CARMIL1: variants seen among roughly 807,000 people sequenced by gnomAD.
The protein encoded by CARMIL1 is F-actin-uncapping protein LRRC16A.
CARMIL1 carries 90 observed loss-of-function variants against 177.1 expected under a neutral mutation model. The observed-to-expected ratio is 0.51, with a 90% CI of 0.43 to 0.61. The LOEUF (loss-of-function observed/expected upper bound fraction) is 0.61. CARMIL1 is among the 20% of genes least tolerant of loss of function. The pLI is 0.00. For missense variants in CARMIL1, 1,380 were observed against 1,667.0 expected (o/e 0.83, Z 3.00); for synonymous variants, 577 against 606.2 (o/e 0.95, Z 0.71).
At chr6:25,581,221 GT>G (rs201519353) in intron 30 of CARMIL1, 21 bp from the exon 31 acceptor site, 5 of 1,597,582 alleles carry the variant, frequency 3.1e-6, no homozygotes, top group Non-Finnish European at 4.3e-6. Context: ...CTGTTTTTTT[GT>G]TTTTTTGTTT....
intron 2 of CARMIL1, among the ~76,000 whole-genome samples, chr6:25,390,307 TATATATA>T (rs1562073353): frequency 2.8e-4 from 13 of 47,122 alleles, no homozygotes; most frequent in South Asian, 8.2e-4. Context: ...TATATATATA[TATATATA>T]TATATATTTT....
At position 25,515,654 on chromosome 6, in the gene CARMIL1, C is replaced by T. The variant is rs374699073; in HGVS notation, c.1633-21C>T. The T allele has an allele frequency of 3.9e-5, 61 of 1,581,838 alleles. No homozygotes were observed. The highest frequency in any genetic ancestry group is 1.7e-4 in the Middle Eastern group (1 of 5,996). ...CTGCTTTGATGAGACTGCTGAGTGC[C>T]GTGTGTCATTTGCTCCGCAGCCTCT... is the stretch of plus-strand genomic sequence containing the variant. On this transcript the variant is annotated intron_variant, in intron 20 of 36. Coordinates refer to ENST00000329474, the MANE Select transcript of CARMIL1 (RefSeq NM_017640.6). This position sits in a 1 kb window ranked among gnomAD's most constrained non-coding sequence, Gnocchi z 5.0.
intron 26 of CARMIL1, among the ~76,000 whole-genome samples, chr6:25,543,361 TC>T (rs1029102484): frequency 6.6e-6 from 1 of 152,170 alleles, no homozygotes; most frequent in Admixed American, 6.5e-5. Flanking sequence ...TTAGTATACT[TC>T]CTGGAGGAGA....
intron 2 of CARMIL1, among the ~76,000 whole-genome samples, chr6:25,398,830 A>C (rs914973604): frequency 6.6e-6 from 1 of 152,190 alleles, no homozygotes; most frequent in Non-Finnish European, 1.5e-5. Context: ...GGCTCACCTC[A>C]TGGGGTGCTG....
At chr6:25,588,818 A>G (rs1253960014) in intron 31 of CARMIL1, among the ~76,000 whole-genome samples, 1 of 152,216 alleles carries the variant, frequency 6.6e-6, no homozygotes, top group Non-Finnish European at 1.5e-5. Context: ...AGATTACTCA[A>G]TATTCAAGGG....
At chr6:25,333,988 G>T (rs1366540619) in intron 2 of CARMIL1, among the ~76,000 whole-genome samples, 3 of 152,200 alleles carry the variant, frequency 2.0e-5, no homozygotes, top group African/African-American at 4.8e-5. Flanking sequence ...TACTTTCCCT[G>T]TATTCTTTCT....
At chr6:25,464,530 T>G (rs902474732) in intron 8 of CARMIL1, among the ~76,000 whole-genome samples, 8 of 152,296 alleles carry the variant, frequency 5.3e-5, no homozygotes, top group African/African-American at 1.4e-4. Context: ...TCAGACTTCT[T>G]TCCACCTTCT....
At chr6:25,539,303 G>T (rs917612026) in intron 25 of CARMIL1, among the ~76,000 whole-genome samples, 23 of 152,054 alleles carry the variant, frequency 1.5e-4, no homozygotes, top group African/African-American at 5.5e-4. Context: ...GCAAACTCTG[G>T]GTAGACAGTG....
At chr6:25,468,201 T>TA (rs34221543) in intron 9 of CARMIL1, among the ~76,000 whole-genome samples, 26,066 of 149,502 alleles carry the variant, frequency 0.17, 2,413 homozygotes, top group South Asian at 0.25. Flanking sequence ...CAAGGATTTT[T>TA]AAAAAAAAAA....
At chr6:25,514,550 C>CAAAA (rs66490833) in intron 20 of CARMIL1, among the ~76,000 whole-genome samples, 12,635 of 83,748 alleles carry the variant, frequency 0.15, 1,112 homozygotes, top group Middle Eastern at 0.24. Flanking sequence ...GACCTTGTCT[C>CAAAA]AAAAAAAAAA....
At chr6:25,616,713 C>T (rs573051925) in intron 36 of CARMIL1, among the ~76,000 whole-genome samples, 4 of 152,334 alleles carry the variant, frequency 2.6e-5, no homozygotes, top group South Asian at 4.1e-4. Flanking sequence ...TCAATATAGT[C>T]GTAGTCAACA....
intron 2 of CARMIL1, among the ~76,000 whole-genome samples, chr6:25,306,674 A>T (rs894515249): frequency 2.6e-5 from 4 of 152,170 alleles, no homozygotes; most frequent in Non-Finnish European, 5.9e-5. Context: ...ACCAATTTTT[A>T]AAAAAGTCAT....
At chr6:25,455,913 T>C (rs1799478126) in intron 8 of CARMIL1, among the ~76,000 whole-genome samples, 1 of 152,194 alleles carries the variant, frequency 6.6e-6, no homozygotes, top group South Asian at 2.1e-4. Context: ...TGGGAACCCA[T>C]CACCACACGT....
intron 29 of CARMIL1, among the ~76,000 whole-genome samples, chr6:25,572,572 G>A (rs115505991): frequency 0.019 from 2,823 of 152,036 alleles, 71 homozygotes; most frequent in African/African-American, 0.058. Flanking sequence ...ATGGTGGTAC[G>A]TATCTGTAGT....
chr6:25,484,982 C>T (rs1346530074), intron 12 of CARMIL1, among the ~76,000 whole-genome samples: 1 of 152,114 alleles, frequency 6.6e-6, no homozygotes, highest in Non-Finnish European at 1.5e-5. Context: ...TTGCAGTGAG[C>T]TATGACAGGG....
chr6:25,279,737 G>T lies in CARMIL1; in HGVS notation c.-59G>T. 6.5e-7 allele frequency: 1 copy of T among 1,548,274 alleles called. No individual in the cohort carries two copies. Among genetic ancestry groups the T allele is most frequent in the Non-Finnish European group, 8.9e-7 (1 of 1,120,036 alleles). ...AAAAAAATTGAGGAGTTCGGGGAAG[G>T]GCAGGGGGCCATAAATCAGAGTTGG... On this transcript the variant is annotated 5_prime_UTR_variant, in exon 1 of 37. Transcript: ENST00000329474.
At chr6:25,613,550 A>G (rs1045443277) in intron 36 of CARMIL1, among the ~76,000 whole-genome samples, 18 of 152,224 alleles carry the variant, frequency 1.2e-4, no homozygotes, top group Non-Finnish European at 2.4e-4. Flanking sequence ...ATCCCAAGAG[A>G]CAAAAAGAAG....
intron 5 of CARMIL1, among the ~76,000 whole-genome samples, chr6:25,441,254 C>A (rs970189009): frequency 4.0e-5 from 6 of 151,152 alleles, no homozygotes; most frequent in Admixed American, 2.0e-4. Context: ...GAGCTATGCT[C>A]ACACCACTAC....
At chr6:25,541,337 C>A (rs374768266) in intron 26 of CARMIL1, among the ~76,000 whole-genome samples, 3 of 151,976 alleles carry the variant, frequency 2.0e-5, no homozygotes, top group Admixed American at 6.6e-5. Context: ...GATTGGTAAC[C>A]TTGTTCTATT....
Sources: gnomAD v4.1 joint callset for allele counts (sites outside exome capture counted in the v4.1 genomes callset) on GRCh38, gnomAD v4.1.1 for gene constraint, Gnocchi (gnomAD v3.1) non-coding constraint, MANE v1.5 for transcripts, NCBI Gene and HGNC (gene_info 2026-07-23, HGNC 2026-07-21) for gene names.